Variants in URB1 observed in about 807,000 individuals in gnomAD.
URB1 encodes the protein URB1 ribosome biogenesis factor, also known as nucleolar pre-ribosomal-associated protein 1.
In URB1, 197 loss-of-function variants were observed where a neutral mutation model predicts 242.3. The observed-to-expected ratio is 0.81, with a 90% CI of 0.72 to 0.91. URB1 has a LOEUF of 0.91. URB1 is among the 40% of genes least tolerant of loss of function. The pLI is 0.00. For synonymous variants in URB1, 1,153 were observed against 1,201.8 expected, an observed-to-expected ratio of 0.96 and a Z score of 0.84; for missense variants, 2,721 against 2,860.5, an observed-to-expected ratio of 0.95 and a Z score of 1.11.
chr21:32,320,037 A>G (rs556135988), intron 35 of URB1, among the ~76,000 whole-genome samples: 26 of 152,256 alleles, frequency 1.7e-4, no homozygotes, highest in African/African-American at 6.0e-4. Context: ...ATAAATCATC[A>G]AGTTCAGACC....
intron 24 of URB1, among the ~76,000 whole-genome samples, chr21:32,343,492 T>C (rs1013010358): frequency 1.3e-5 from 2 of 152,216 alleles, no homozygotes; most frequent in Non-Finnish European, 2.9e-5. Flanking sequence ...ACCTCAGGGT[T>C]ACAGAAATCA....
chr21:32,357,537 CTT>C lies in URB1; in HGVS notation c.1987_1988del (p.Lys663AspfsTer9). On this transcript the variant is annotated frameshift_variant and splice_region_variant, in exon 15 of 39. Coordinates refer to ENST00000382751, the MANE Select transcript of URB1 (RefSeq NM_014825.3). LOFTEE classifies it high-confidence loss of function. ...TTAGAAACTGGTAGAAAATGCTCAC[CTT>C]CATGATCAGAAGTTTGGTCAATGAC... ...LKSLTKLLIM[K>X]ILRDTGVFEH... 2.7e-6 allele frequency: 4 copies of C among 1,506,948 alleles called. No individual in the cohort carries two copies. The highest frequency in any genetic ancestry group is 3.5e-6 in the Non-Finnish European group (4 of 1,131,284). The allele number at this position is 1,506,948 out of a possible 1,614,324, so 93.3% of individuals were successfully genotyped here.
chr21:32,366,635 A>C lies in URB1; in HGVS notation c.1318T>G (p.Phe440Val). 6.4e-7 allele frequency: 1 copy of C among 1,551,472 alleles called. No individual in the cohort carries two copies. The highest frequency in any genetic ancestry group is 8.7e-7 in the Non-Finnish European group (1 of 1,146,824). ...TVPLVCNKSMFTQALNLDSTS... is the reference protein window; with the variant it reads ...TVPLVCNKSMVTQALNLDSTS... ...GGCCTTACGTTTAATGCTTGGGTGA[A>C]CATGCTCTTATTGCACACCAGGGGC... Residue 440 changes from phenylalanine (F) to valine (V), a missense_variant, in exon 10 of 39, where the codon TTC becomes GTC. Coordinates refer to ENST00000382751, the MANE Select transcript of URB1 (RefSeq NM_014825.3).
intron 15 of URB1, among the ~76,000 whole-genome samples, chr21:32,355,832 A>G (rs531361888): frequency 1.2e-4 from 18 of 152,274 alleles, no homozygotes; most frequent in African/African-American, 4.3e-4. Flanking sequence ...GCTGGTATCA[A>G]ACTCCTAGCT....
chr21:32,321,249 C>T (rs927974520), intron 34 of URB1, among the ~76,000 whole-genome samples: 1 of 152,224 alleles, frequency 6.6e-6, no homozygotes, highest in Non-Finnish European at 1.5e-5. Context: ...AAAAGCTTTT[C>T]CTATTTCCTT....
chr21:32,326,854 T>G (rs1393176919), intron 30 of URB1, among the ~76,000 whole-genome samples: 1 of 152,136 alleles, frequency 6.6e-6, no homozygotes, highest in Non-Finnish European at 1.5e-5. Context: ...TTTATACCAG[T>G]GCAAGAATGG....
chr21:32,375,474 G>A lies in URB1; in HGVS notation c.674C>T (p.Pro225Leu), dbSNP rs1237130048. Residue 225 changes from proline (P) to leucine (L), a missense_variant, in exon 6 of 39, where the codon CCT becomes CTT. Transcript: ENST00000382751. ...VQVLEVKEFI[P>L]CIFSSGIKED... ...CTTTATCCCTGAGCTAAAAATGCAAGGAATAAATTCTGAAAGTAAAAGTTT... is the reference window on the plus strand; with the variant it reads ...CTTTATCCCTGAGCTAAAAATGCAAAGAATAAATTCTGAAAGTAAAAGTTT... The A allele has an allele frequency of 6.6e-7, 1 of 1,515,386 alleles. No individual in the cohort carries two copies. The allele number at this position is 1,515,386 out of a possible 1,614,324, so 93.9% of individuals were successfully genotyped here.
chr21:32,360,524 G>A (rs572989170), intron 13 of URB1, among the ~76,000 whole-genome samples: 2 of 152,276 alleles, frequency 1.3e-5, no homozygotes, highest in Admixed American at 6.5e-5. Context: ...ATTATAAAGT[G>A]GATCAGACAA....
rs1568809863 is a variant in URB1, at chr21:32,325,372, GACAATCCACCACAAA to G, written c.4963_4977del (p.Phe1655_Cys1659del). 1 of 1,550,496 alleles carries G rather than the reference GACAATCCACCACAAA, an allele frequency of 6.4e-7. No homozygotes were observed. Among genetic ancestry groups the G allele is most frequent in the Non-Finnish European group, 8.7e-7 (1 of 1,146,150 alleles). On this transcript the variant is annotated inframe_deletion and splice_region_variant, in exon 31 of 39. Transcript: ENST00000382751. The stretch of plus-strand genomic sequence containing the variant: ...AGAGCATTTGAATCCAAAAATTTTC[GACAATCCACCACAAA>G]CTCTGCAGGAAATGAAATACAGCAT...
Position 32,347,541 on chromosome 21 carries a change from C to A in URB1, c.3283G>T (p.Ala1095Ser). ...GGCGGGGTCTTTGGTGGTGATGTGGCCGGGCCCGCCCTCCTGTTCTGAAGT... is the reference window on the plus strand; with the variant it reads ...GGCGGGGTCTTTGGTGGTGATGTGGACGGGCCCGCCCTCCTGTTCTGAAGT... ...KELQNRRAGP[A>S]TSPPKTPPQL... is the part of the protein sequence containing the mutation. The change falls in exon 22 of 39, where the codon GCC (alanine) becomes TCC (serine). Residue 1095 changes from alanine (A) to serine (S), a missense_variant. By Grantham distance (99) the Ala-to-Ser change is moderately conservative. Transcript: ENST00000382751. 1 of 1,551,188 alleles carries A rather than the reference C, an allele frequency of 6.4e-7. No homozygotes were observed. The highest frequency in any genetic ancestry group is 8.7e-7 in the Non-Finnish European group (1 of 1,146,734).
rs371720802 is a variant in URB1 at position 32,378,534 on chromosome 21, T to C, written c.575A>G (p.Tyr192Cys). ...LVTKRDSKGV[Y>C]DVRQAYVQFA... ...CTGAACGTAGGCCTGCCGAACGTCG[T>C]ACACTCCCTAGAGGACAAAGGAGAC... Residue 192 changes from tyrosine (Y) to cysteine (C), a missense_variant, in exon 5 of 39, where the codon TAC (tyrosine) becomes TGC (cysteine). Coordinates refer to ENST00000382751, the MANE Select transcript of URB1 (RefSeq NM_014825.3). The C allele has an allele frequency of 6.4e-7, 1 of 1,551,620 alleles. No individual in the cohort carries two copies. The highest frequency in any genetic ancestry group is 8.7e-7 in the Non-Finnish European group (1 of 1,146,942).
At chr21:32,370,405 T>C (rs1232214473) in intron 8 of URB1, among the ~76,000 whole-genome samples, 1 of 152,190 alleles carries the variant, frequency 6.6e-6, no homozygotes, top group Non-Finnish European at 1.5e-5. Context: ...AAATAGTTTG[T>C]ACTGTCAAAT....
intron 24 of URB1, among the ~76,000 whole-genome samples, chr21:32,343,888 A>G (rs1433949487): frequency 1.3e-5 from 2 of 152,156 alleles, no homozygotes; most frequent in African/African-American, 4.8e-5. Context: ...ATGTAAAAAA[A>G]AAAAATCCTA....
At position 32,354,022 on chromosome 21, in the gene URB1, A is replaced by G; in HGVS notation, c.2327T>C (p.Met776Thr). 6.4e-7 allele frequency: 1 copy of G among 1,551,748 alleles called. No homozygotes were observed. Among genetic ancestry groups the G allele is most frequent in the East Asian group, 2.4e-5 (1 of 40,926 alleles). ...EEIGFTLSEDMILLTFPFSAV... is the reference protein window; with the variant it reads ...EEIGFTLSEDTILLTFPFSAV... ...ACTGAATGGGAACGTGAGCAGGATC[A>G]TGTCTTCACTCAACGTGAACCCTAT... The change falls in exon 18 of 39, where the codon ATG (methionine) becomes ACG (threonine). Residue 776 changes from methionine to threonine, a missense_variant. By Grantham distance (81) the Met-to-Thr change is moderately conservative. Transcript: ENST00000382751.
intron 8 of URB1, among the ~76,000 whole-genome samples, chr21:32,372,277 A>C (rs2033414646): frequency 6.6e-6 from 1 of 152,234 alleles, no homozygotes; most frequent in Admixed American, 6.5e-5. Flanking sequence ...CCCTGGGTGA[A>C]ATATCCCATG....
At chr21:32,320,964 G>GC (rs1178658320) in intron 34 of URB1, among the ~76,000 whole-genome samples, 2 of 152,234 alleles carry the variant, frequency 1.3e-5, no homozygotes, top group Non-Finnish European at 2.9e-5. Flanking sequence ...CACAGGGAGT[G>GC]CGTGAGGGCC....
intron 38 of URB1, 31 bp from the exon 39 acceptor site, chr21:32,315,130 A>T: frequency 1.4e-6 from 2 of 1,481,376 alleles, no homozygotes; most frequent in Non-Finnish European, 1.8e-6. Context: ...GGCCATTAGG[A>T]TGCACACCTG....
intron 1 of URB1, among the ~76,000 whole-genome samples, chr21:32,391,734 C>T (rs2033640805): frequency 6.6e-6 from 1 of 151,916 alleles, no homozygotes; most frequent in Non-Finnish European, 1.5e-5. Flanking sequence ...AAAAACAGGC[C>T]AGGTGTGGTG....
intron 14 of URB1, 63 bp downstream of exon 14, chr21:32,359,733 C>T: frequency 6.9e-7 from 1 of 1,438,894 alleles, no homozygotes; most frequent in Non-Finnish European, 9.2e-7. Context: ...ATTCATCAGG[C>T]CAAGAAGCCA....
Sources: allele counts gnomAD v4.1 joint callset (sites outside exome capture counted in the v4.1 genomes callset), GRCh38; gene constraint gnomAD v4.1.1; transcripts MANE v1.5; gene names NCBI Gene and HGNC (gene_info 2026-07-23, HGNC 2026-07-21).